The following LRP1 variants were observed in gnomAD, a reference collection of about 807,000 sequenced individuals.
LRP1 encodes the protein prolow-density lipoprotein receptor-related protein 1.
A neutral mutation model predicts 541.5 loss-of-function variants in LRP1; 51 were observed. That is an observed-to-expected ratio of 0.09 (90% CI 0.08 to 0.12). The LOEUF (loss-of-function observed/expected upper bound fraction) is 0.12. Ranked by LOEUF, LRP1 falls within the 10% of genes least tolerant of loss-of-function variation. The pLI is 1.00. For missense variants in LRP1, 3,878 were observed against 6,376.2 expected (o/e 0.61, Z 13.34); for synonymous variants, 2,219 against 2,470.8 (o/e 0.90, Z 3.02).
rs1213014146 is a variant in LRP1, at chr12:57,175,462, C to A, written c.3550C>A (p.Gln1184Lys). ...DGSDEGELCD[Q>K]CSLNNGGCSH... is the part of the protein sequence containing the mutation. ...TTCCATGCCTGCCCCTCCCCTAGAC[C>A]AGTGCTCTCTGAATAACGGTGGCTG... The change falls in exon 23 of 89, where the codon CAG (glutamine) becomes AAG (lysine). Residue 1184 changes from glutamine (Q) to lysine (K), a missense_variant and splice_region_variant. By Grantham distance (53) the Gln-to-Lys change is moderately conservative. This residue lies in a region of LRP1 where 320 missense variants were observed against 547.9 expected (regional missense o/e 0.58). Coordinates refer to ENST00000243077, the MANE Select transcript of LRP1 (RefSeq NM_002332.3). 6.2e-7 allele frequency: 1 copy of A among 1,613,190 alleles called. No homozygotes were observed.
At chr12:57,143,593 T>A (rs138624864) in intron 3 of LRP1, 86 bp from the exon 4 acceptor site, 14 of 1,521,744 alleles carry the variant, frequency 9.2e-6, no homozygotes, top group Middle Eastern at 2.3e-4. Context: ...TTTCTGAAGG[T>A]TGACTGGGTT....
In LRP1 at chr12:57,200,665, A is replaced by T. The variant is rs199685388; in HGVS notation, c.10109-34A>T. The T allele has an allele frequency of 1.1e-3, 1,700 of 1,591,834 alleles. 38 individuals are homozygous for T. In the East Asian group the frequency reaches 0.03, roughly 28 times the overall value. On this transcript the variant is annotated intron_variant, in intron 63 of 88. Transcript: ENST00000243077. ...AAGTGGACCTGGCCGTGTCCACCCCAGCCGCTCTGACTCTGAGCCTCCCTC... is the reference window on the plus strand; with the variant it reads ...AAGTGGACCTGGCCGTGTCCACCCCTGCCGCTCTGACTCTGAGCCTCCCTC...
At chr12:57,147,173 G>C (rs75505823) in intron 6 of LRP1, among the ~76,000 whole-genome samples, 5 of 151,638 alleles carry the variant, frequency 3.3e-5, no homozygotes, top group Non-Finnish European at 7.4e-5. Flanking sequence ...AAATGCTTGT[G>C]GGGTAAATGA....
rs1203320154 is a variant in LRP1, at chr12:57,191,453, G to A, written c.7370G>A (p.Arg2457His). ...KHVGSNMKLLRVDIPQQPMGI... is the reference protein window; with the variant it reads ...KHVGSNMKLLHVDIPQQPMGI... The stretch of plus-strand genomic sequence containing the variant: ...GTGGGCAGCAACATGAAGCTGCTGC[G>A]CGTGGACATCCCCCAGCAGCCCATG... Residue 2457 changes from arginine to histidine, a missense_variant, in exon 44 of 89, where the codon CGC becomes CAC. Physicochemically the swap from Arg to His is conservative, Grantham distance 29. This residue lies in a region of LRP1 where 1,100 missense variants were observed against 1,827.4 expected (regional missense o/e 0.60). Coordinates refer to ENST00000243077, the MANE Select transcript of LRP1 (RefSeq NM_002332.3). 3.7e-6 allele frequency: 6 copies of A among 1,611,456 alleles called. No homozygotes were observed. The highest frequency in any genetic ancestry group is 2.2e-5 in the East Asian group (1 of 44,846).
In LRP1 at chr12:57,211,251, C is replaced by G; in HGVS notation, c.12992C>G (p.Thr4331Ser). The change falls in exon 84 of 89, where the codon ACT becomes AGT. Residue 4331 changes from threonine to serine, a missense_variant. Around this residue, in one of 13 missense-constraint regions of LRP1, gnomAD observed 871 missense variants for 1,212.4 expected, o/e 0.72. Coordinates refer to ENST00000243077, the MANE Select transcript of LRP1 (RefSeq NM_002332.3). The surrounding 1 kb of genome is among the most constrained non-coding windows in gnomAD (Gnocchi z 4.3). ...GATGGCTCCCGACAATGCCGCTGCA[C>G]TGCCTACTTTGAGGGATCGAGGTGT... ...AADGSRQCRC[T>S]AYFEGSRCEV... 2 of 1,614,238 alleles carry G rather than the reference C, an allele frequency of 1.2e-6. No individual in the cohort carries two copies. The highest frequency in any genetic ancestry group is 1.7e-6 in the Non-Finnish European group (2 of 1,180,048).
At position 57,210,293 on chromosome 12, in the gene LRP1, G is replaced by T; in HGVS notation, c.12581-14G>T. 1 of 1,549,228 alleles carries T rather than the reference G, an allele frequency of 6.5e-7. No homozygotes were observed. On this transcript the variant is annotated splice_polypyrimidine_tract_variant and intron_variant, in intron 81 of 88. Transcript: ENST00000243077. ...ATTCCCCTGGCTCTGCCCCTTGACG[G>T]GCCCTTCCTGCAGCTCCCCGGCCTG...
chr12:57,158,416 C>T lies in LRP1; in HGVS notation c.1576C>T (p.Leu526=). The T allele has an allele frequency of 1.9e-6, 3 of 1,610,154 alleles. No individual in the cohort carries two copies. The highest frequency in any genetic ancestry group is 2.5e-6 in the Non-Finnish European group (3 of 1,176,972). The change falls in exon 11 of 89, where the codon CTG becomes TTG. Residue 526 remains leucine, a synonymous_variant. Coordinates refer to ENST00000243077, the MANE Select transcript of LRP1 (RefSeq NM_002332.3). This position sits in a 1 kb window ranked among gnomAD's most constrained non-coding sequence, Gnocchi z 5.3. ...GCCTGCTCTAGAGCCGGAGCATGAG[C>T]TGTTCCTCGTGTATGGCAAGGGCCG... ...GKSCKKPEHE[L]FLVYGKGRPG...
rs751847502 is a variant in LRP1 at position 57,156,211 on chromosome 12, G to A, written c.1345G>A (p.Glu449Lys). The change falls in exon 9 of 89, where the codon GAG (glutamate) becomes AAG (lysine). Residue 449 changes from glutamate to lysine, a missense_variant. Transcript: ENST00000243077. This position sits in a 1 kb window ranked among gnomAD's most constrained non-coding sequence, Gnocchi z 5.2. ...CCGTGTGAACCGCTTTAACAGCACC[G>A]AGTACCAGGTTGTCACCCGGGTGGA... is the stretch of plus-strand genomic sequence containing the variant. ...VIRVNRFNSTEYQVVTRVDKG... is the reference protein window; with the variant it reads ...VIRVNRFNSTKYQVVTRVDKG... 4 of 1,614,080 alleles carry A rather than the reference G, an allele frequency of 2.5e-6. No homozygotes were observed. The highest frequency in any genetic ancestry group is 4.5e-5 in the East Asian group (2 of 44,856).
rs1477674190 is a variant in LRP1 at position 57,201,211 on chromosome 12, G to A, written c.10345+58G>A. 6.2e-7 allele frequency: 1 copy of A among 1,606,898 alleles called. No individual in the cohort carries two copies. The highest frequency in any genetic ancestry group is 2.2e-5 in the East Asian group (1 of 44,716). Reference sequence around the variant, plus strand: ...GGGAGATGACACGGAAGCAGGGCAGGCAGAATCTCCCCACAGCTTTGAGAG... The same window carrying A: ...GGGAGATGACACGGAAGCAGGGCAGACAGAATCTCCCCACAGCTTTGAGAG... On this transcript the variant is annotated intron_variant, in intron 65 of 88. Coordinates refer to ENST00000243077, the MANE Select transcript of LRP1 (RefSeq NM_002332.3). The surrounding 1 kb of genome is among the most constrained non-coding windows in gnomAD (Gnocchi z 6.4).
At position 57,189,494 on chromosome 12, in the gene LRP1, TCGCCGAGG is replaced by T. The variant is rs1261904157; in HGVS notation, c.7032-1309_7032-1302del. ...CTTAAGATCAGAGCTTCTCACGAGC[TCGCCGAGG>T]CTCAGGGCAGCCAGTGTCTCCAGAG... On this transcript the variant is annotated intron_variant, in intron 42 of 88. Coordinates refer to ENST00000243077, the MANE Select transcript of LRP1 (RefSeq NM_002332.3). The surrounding 1 kb of genome is among the most constrained non-coding windows in gnomAD (Gnocchi z 4.4). Among the ~76,000 whole-genome samples the T allele has an allele frequency of 6.6e-6, 1 of 152,128 alleles. No homozygotes were observed. Among genetic ancestry groups the T allele is most frequent in the African/African-American group, 2.4e-5 (1 of 41,430 alleles).
rs376277503 is a variant in LRP1 at position 57,191,373 on chromosome 12, G to A, written c.7290G>A (p.Glu2430=). 7 of 1,613,150 alleles carry A rather than the reference G, an allele frequency of 4.3e-6. No homozygotes were observed. Among genetic ancestry groups the A allele is most frequent in the African/African-American group, 2.7e-5 (2 of 74,834 alleles). ...CCTTCGGGCTGGCCGTGTATGGGGA[G>A]CACATTTTCTGGACTGACTGGGTGC... is the stretch of plus-strand genomic sequence containing the variant. ...VHPFGLAVYG[E]HIFWTDWVRR... Residue 2430 remains glutamate, a synonymous_variant, in exon 44 of 89, where the codon GAG becomes GAA. Coordinates refer to ENST00000243077, the MANE Select transcript of LRP1 (RefSeq NM_002332.3).
intron 22 of LRP1, among the ~76,000 whole-genome samples, chr12:57,174,373 G>A (rs1403088834): frequency 6.6e-6 from 1 of 152,174 alleles, no homozygotes; most frequent in Non-Finnish European, 1.5e-5. Flanking sequence ...GAGTGCTCTT[G>A]TGGAGACAAA....
At chr12:57,132,524 G>A (rs915929809) in intron 1 of LRP1, among the ~76,000 whole-genome samples, 3 of 152,176 alleles carry the variant, frequency 2.0e-5, no homozygotes, top group Non-Finnish European at 2.9e-5. Context: ...AGGCTCAGCG[G>A]GGTAGTCATT....
chr12:57,202,542 G>GGGGGGGGCCCCCCCC lies in LRP1; in HGVS notation c.10711+5_10711+6insGGGGGGGCCCCCCCC. The stretch of plus-strand genomic sequence containing the variant: ...ACTCCGATGAAGAGAGCTGCAGTAC[G>GGGGGGGGCCCCCCCC]TCCCCACCCACCCAGCCCCGCATGA... On this transcript the variant is annotated splice_donor_region_variant and intron_variant, in intron 68 of 88. Transcript: ENST00000243077. 6.4e-7 allele frequency: 1 copy of GGGGGGGGCCCCCCCC among 1,563,828 alleles called. No individual in the cohort carries two copies. The highest frequency in any genetic ancestry group is 8.7e-7 in the Non-Finnish European group (1 of 1,153,414).
chr12:57,179,644 G>T lies in LRP1; in HGVS notation c.4966+88G>T. The T allele has an allele frequency of 7.0e-7, 1 of 1,433,298 alleles. No individual in the cohort carries two copies. The highest frequency in any genetic ancestry group is 9.7e-7 in the Non-Finnish European group (1 of 1,028,148). 88.8% of individuals were successfully genotyped at this position (1,433,298 alleles called of 1,614,324 possible). A position where few individuals can be genotyped will look rare whatever the true frequency, so the allele number is the denominator to read the frequency against. On this transcript the variant is annotated intron_variant, in intron 29 of 88. Coordinates refer to ENST00000243077, the MANE Select transcript of LRP1 (RefSeq NM_002332.3). The surrounding 1 kb of genome is among the most constrained non-coding windows in gnomAD (Gnocchi z 6.8). ...AACCCTGGTCTACTTGGTCCGAGTG[G>T]TCCTTCTCCCAGTCCTGTTCCCCCT...
rs368973745 is a variant in LRP1 at position 57,162,271 on chromosome 12, C to T, written c.2203-46C>T. 20 of 1,496,992 alleles carry T rather than the reference C, an allele frequency of 1.3e-5. No homozygotes were observed. The highest frequency in any genetic ancestry group is 6.7e-5 in the Admixed American group (4 of 59,876). 92.7% of individuals were successfully genotyped at this position (1,496,992 alleles called of 1,614,324 possible). ...ACAAAACAGTGATCTCACAGGCCTCCCTCAATTTTCTTCCAACTCCTTAGT... is the reference window on the plus strand; with the variant it reads ...ACAAAACAGTGATCTCACAGGCCTCTCTCAATTTTCTTCCAACTCCTTAGT... On this transcript the variant is annotated intron_variant, in intron 13 of 88. Transcript: ENST00000243077. The surrounding 1 kb of genome is among the most constrained non-coding windows in gnomAD (Gnocchi z 5.2).
In LRP1 at chr12:57,204,112, G is replaced by A; in HGVS notation, c.10952-298G>A. The A allele has an allele frequency of 3.2e-6, 1 of 311,832 alleles. No homozygotes were observed. Among genetic ancestry groups the A allele is most frequent in the South Asian group, 9.8e-5 (1 of 10,222 alleles). 19.3% of individuals were successfully genotyped at this position (311,832 alleles called of 1,614,324 possible). A position where few individuals can be genotyped will look rare whatever the true frequency, so the allele number is the denominator to read the frequency against. On this transcript the variant is annotated intron_variant, in intron 70 of 88. Transcript: ENST00000243077. The surrounding 1 kb of genome is among the most constrained non-coding windows in gnomAD (Gnocchi z 5.3). Reference sequence around the variant, plus strand: ...CGCGTCCCCGCTGTGGAACTACACAGCCCAGTGCTGTTCCCACGTCCCCGC... The same window carrying A: ...CGCGTCCCCGCTGTGGAACTACACAACCCAGTGCTGTTCCCACGTCCCCGC...
chr12:57,204,940 T>C lies in LRP1; in HGVS notation c.11195-169T>C. ...AGCCCCTGGGGAAGGCTCTGGGGGC[T>C]GCCTGATGCCTTAGGTCTTGGAGGT... On this transcript the variant is annotated intron_variant, in intron 72 of 88. Coordinates refer to ENST00000243077, the MANE Select transcript of LRP1 (RefSeq NM_002332.3). The surrounding 1 kb of genome is among the most constrained non-coding windows in gnomAD (Gnocchi z 5.3). The C allele has an allele frequency of 7.6e-7, 1 of 1,314,550 alleles. No individual in the cohort carries two copies. Among genetic ancestry groups the C allele is most frequent in the Admixed American group, 2.6e-5 (1 of 39,074 alleles). The allele number at this position is 1,314,550 out of a possible 1,614,324, so 81.4% of individuals were successfully genotyped here.
intron 1 of LRP1, among the ~76,000 whole-genome samples, chr12:57,136,405 C>CG (rs956446757): frequency 6.7e-6 from 1 of 148,528 alleles, no homozygotes; most frequent in African/African-American, 2.5e-5. Context: ...GCCCCCCCCC[C>CG]CCGCCATTTT....
Sources: gnomAD v4.1 joint callset for allele counts (sites outside exome capture counted in the v4.1 genomes callset) on GRCh38, gnomAD v4.1.1 for gene constraint, gnomAD v4.1.1 regional missense constraint, Gnocchi (gnomAD v3.1) non-coding constraint, MANE v1.5 for transcripts, NCBI Gene and HGNC (gene_info 2026-07-23, HGNC 2026-07-21) for gene names.